Variants in KIF6 observed in about 807,000 individuals in gnomAD.
KIF6 encodes kinesin-like protein KIF6.
Under a neutral mutation model 112.7 loss-of-function variants are expected in KIF6, and 106 were observed. That is an observed-to-expected ratio of 0.94 (90% CI 0.80 to 1.11). The LOEUF is 1.11. KIF6 is among the 50% of genes least tolerant of loss of function. The probability of loss-of-function intolerance (pLI) is 0.00; values close to 1 mark genes in which losing one functional copy is unlikely to be tolerated. For missense variants in KIF6, 929 were observed against 964.0 expected (o/e 0.96, Z 0.48); for synonymous variants, 339 against 339.9 (o/e 1.00, Z 0.03).
chr6:39,524,803 G>C (rs1777611353), intron 13 of KIF6, among the ~76,000 whole-genome samples: 1 of 152,192 alleles, frequency 6.6e-6, no homozygotes, highest in Non-Finnish European at 1.5e-5. Context: ...ACTTCCACAG[G>C]TGTTGGCCCC....
chr6:39,616,445 A>G (rs966681353), intron 5 of KIF6, among the ~76,000 whole-genome samples: 2 of 152,204 alleles, frequency 1.3e-5, no homozygotes, highest in Non-Finnish European at 2.9e-5. Context: ...TGAAAAGTAA[A>G]TACAAAGGCA....
At chr6:39,604,784 G>A (rs1338992518) in intron 6 of KIF6, among the ~76,000 whole-genome samples, 2 of 152,022 alleles carry the variant, frequency 1.3e-5, no homozygotes, top group African/African-American at 4.8e-5. Flanking sequence ...ATGTTTTATT[G>A]TGTATCCCTC....
intron 5 of KIF6, among the ~76,000 whole-genome samples, chr6:39,633,691 C>G (rs1281162423): frequency 1.3e-5 from 2 of 152,196 alleles, no homozygotes; most frequent in East Asian, 3.9e-4. Context: ...GGCTAGCATT[C>G]AGCAGTCATT....
At chr6:39,537,735 C>T (rs1327619611) in intron 13 of KIF6, among the ~76,000 whole-genome samples, 2 of 152,072 alleles carry the variant, frequency 1.3e-5, no homozygotes, top group African/African-American at 4.8e-5. Flanking sequence ...TCATACGGAA[C>T]CAAAAAAGAG....
At chr6:39,557,355 C>T (rs1166408355) in intron 10 of KIF6, among the ~76,000 whole-genome samples, 3 of 151,952 alleles carry the variant, frequency 2.0e-5, no homozygotes, top group Admixed American at 6.6e-5. Flanking sequence ...GTTTACAAGG[C>T]AAAGACAGAT....
chr6:39,613,121 T>C (rs1462519746), intron 6 of KIF6, 68 bp downstream of exon 6: 4 of 1,253,176 alleles, frequency 3.2e-6, no homozygotes, highest in African/African-American at 1.6e-5. Flanking sequence ...CTTTTTTTTT[T>C]CTGCCTTGGC....
rs571986545 is a variant in KIF6 at position 39,720,849 on chromosome 6, G to A, written c.67-38C>T. On this transcript the variant is annotated intron_variant, in intron 1 of 22. Transcript: ENST00000287152. ...AGACAACAAATGGATATAAAATGGTGAAATTATGGCTTGAACTATCACCAT... is the reference window on the plus strand; with the variant it reads ...AGACAACAAATGGATATAAAATGGTAAAATTATGGCTTGAACTATCACCAT... 56 of 891,136 alleles carry A rather than the reference G, an allele frequency of 6.3e-5. No individual in the cohort carries two copies. In the South Asian group the frequency reaches 6.9e-4, roughly 11 times the overall value. The allele number at this position is 891,136 out of a possible 1,614,324, so 55.2% of individuals were successfully genotyped here.
chr6:39,501,324 G>C (rs1461423072), intron 13 of KIF6, among the ~76,000 whole-genome samples: 2 of 152,092 alleles, frequency 1.3e-5, no homozygotes, highest in Non-Finnish European at 2.9e-5. Flanking sequence ...CCTATCCAAA[G>C]GTCAGCAACC....
At chr6:39,551,062 G>A (rs180978916) in intron 10 of KIF6, among the ~76,000 whole-genome samples, 14 of 152,226 alleles carry the variant, frequency 9.2e-5, no homozygotes, top group African/African-American at 1.4e-4. Context: ...ATGGGAGTGC[G>A]GATATCTCTT....
intron 3 of KIF6, among the ~76,000 whole-genome samples, chr6:39,707,205 T>C (rs1413047595): frequency 6.6e-6 from 1 of 152,254 alleles, no homozygotes; most frequent in Non-Finnish European, 1.5e-5. Flanking sequence ...CTACTGGTGT[T>C]AACATTTTAC....
At chr6:39,347,798 C>T (rs112885867) in intron 19 of KIF6, among the ~76,000 whole-genome samples, 10 of 152,310 alleles carry the variant, frequency 6.6e-5, no homozygotes, top group African/African-American at 2.2e-4. Context: ...TGGCCTTCCG[C>T]CTTCCGATCT....
intron 15 of KIF6, among the ~76,000 whole-genome samples, chr6:39,407,091 G>C (rs945194025): frequency 6.6e-6 from 1 of 151,974 alleles, no homozygotes; most frequent in African/African-American, 2.4e-5. Context: ...AACATGTTCA[G>C]GGTCTTATTT....
rs988705378 is a variant in KIF6, at chr6:39,336,832, C to T, written c.2429-284G>A. 8.8e-5 allele frequency among the ~76,000 whole-genome samples: 13 copies of T among 148,028 alleles called. No individual in the cohort carries two copies. The Middle Eastern group carries it at 0.01, about 118-fold the overall frequency. ...TTCTTTCTTTTTTTTGATGGAGTCT[C>T]GCTCTGTCACCGAGGCTGGAGTCTT... On this transcript the variant is annotated intron_variant, in intron 22 of 22. Transcript: ENST00000287152.
intron 10 of KIF6, among the ~76,000 whole-genome samples, chr6:39,561,650 C>A (rs1009739307): frequency 6.6e-6 from 1 of 152,146 alleles, no homozygotes; most frequent in Admixed American, 6.5e-5. Context: ...AGCCGCCGCA[C>A]CTGGCCAACT....
intron 13 of KIF6, among the ~76,000 whole-genome samples, chr6:39,473,731 A>G (rs1315477115): frequency 6.6e-6 from 1 of 152,192 alleles, no homozygotes; most frequent in Non-Finnish European, 1.5e-5. Flanking sequence ...AACAGGATAA[A>G]TGATTCTACT....
At chr6:39,489,909 C>T (rs576755414) in intron 13 of KIF6, among the ~76,000 whole-genome samples, 27 of 152,274 alleles carry the variant, frequency 1.8e-4, no homozygotes, top group South Asian at 4.2e-4. Flanking sequence ...GAACTACTGA[C>T]GGCATATTTG....
At chr6:39,706,090 C>T (rs1289766820) in intron 3 of KIF6, among the ~76,000 whole-genome samples, 1 of 152,172 alleles carries the variant, frequency 6.6e-6, no homozygotes, top group Non-Finnish European at 1.5e-5. Context: ...ACCGCTGACC[C>T]AGTAATTTTC....
chr6:39,644,728 C>A (rs1785078781), intron 3 of KIF6, among the ~76,000 whole-genome samples: 1 of 151,964 alleles, frequency 6.6e-6, no homozygotes, highest in South Asian at 2.1e-4. Flanking sequence ...GAAAAGGTTT[C>A]AAAATTAAAT....
At chr6:39,529,983 G>C (rs1425607438) in intron 13 of KIF6, among the ~76,000 whole-genome samples, 2 of 152,066 alleles carry the variant, frequency 1.3e-5, no homozygotes, top group African/African-American at 4.8e-5. Flanking sequence ...CTTCTCCTTT[G>C]AATTCACAGA....
Sources: gnomAD v4.1 joint callset for allele counts (sites outside exome capture counted in the v4.1 genomes callset) on GRCh38, gnomAD v4.1.1 for gene constraint, MANE v1.5 for transcripts, NCBI Gene and HGNC (gene_info 2026-07-23, HGNC 2026-07-21) for gene names.